Variants in ZNF350 observed in about 807,000 individuals in gnomAD.
ZNF350 encodes KRAB zinc finger protein ZFQR.
Under a neutral mutation model 13.1 loss-of-function variants are expected in ZNF350, and 5 were observed. The observed-to-expected ratio is 0.38, with a 90% CI of 0.20 to 0.80. The LOEUF is 0.80. Among genes scored for constraint, ZNF350 ranks in the 30% least tolerant of loss-of-function variants. The pLI, the probability that ZNF350 is intolerant of heterozygous loss-of-function variation, is 0.43. For missense variants in ZNF350, 534 were observed against 644.2 expected, an observed-to-expected ratio of 0.83 and a Z score of 1.85; for synonymous variants, 199 against 224.2, an observed-to-expected ratio of 0.89 and a Z score of 1.00.
At chr19:51,982,028 T>G (rs577894789) in intron 1 of ZNF350, 113 of 151,780 alleles carry the variant, frequency 7.4e-4, no homozygotes, top group African/African-American at 2.6e-3. Context: ...TGATAGGGGT[T>G]CCCCTGAAAA....
chr19:51,965,428 C>T lies in ZNF350; in HGVS notation c.1025G>A (p.Gly342Glu). The change falls in exon 5 of 5, where the codon GGA (glycine) becomes GAA (glutamate). Residue 342 changes from glycine to glutamate, a missense_variant. Physicochemically the swap from Gly to Glu is moderately conservative, Grantham distance 98. Coordinates refer to ENST00000243644, the MANE Select transcript of ZNF350 (RefSeq NM_021632.4). ...TTCACTGCACACAAAGGGCGTCTTTCCTGTGTGAAATCTCTGATGTGCTAT... is the reference window on the plus strand; with the variant it reads ...TTCACTGCACACAAAGGGCGTCTTTTCTGTGTGAAATCTCTGATGTGCTAT... ...CLIAHQRFHT[G>E]KTPFVCSECG... The T allele has an allele frequency of 2.5e-6, 4 of 1,613,930 alleles. No individual in the cohort carries two copies. Among genetic ancestry groups the T allele is most frequent in the Non-Finnish European group, 3.4e-6 (4 of 1,179,980 alleles).
intron 2 of ZNF350, among the ~76,000 whole-genome samples, chr19:51,970,506 T>C (rs187351423): frequency 4.6e-5 from 7 of 152,304 alleles, no homozygotes; most frequent in Non-Finnish European, 8.8e-5. Flanking sequence ...TTAAAAAATA[T>C]ATATTTTCAA....
At chr19:51,975,595 A>T (rs1429415225) in intron 1 of ZNF350, among the ~76,000 whole-genome samples, 2 of 152,188 alleles carry the variant, frequency 1.3e-5, no homozygotes, top group African/African-American at 4.8e-5. Flanking sequence ...TTAAAATAAA[A>T]TGTACTAAGA....
chr19:51,975,352 C>T (rs2085855365), intron 1 of ZNF350, among the ~76,000 whole-genome samples: 1 of 147,868 alleles, frequency 6.8e-6, no homozygotes, highest in Admixed American at 6.8e-5. Flanking sequence ...TTGCTTGAAT[C>T]CGGGAGATGG....
chr19:51,967,766 G>C (rs2085620458), intron 4 of ZNF350, among the ~76,000 whole-genome samples: 1 of 152,146 alleles, frequency 6.6e-6, no homozygotes, highest in African/African-American at 2.4e-5. Flanking sequence ...AAAGAAGAGA[G>C]CTCTTCAGGC....
At chr19:51,983,872 C>T (rs2086112342) in intron 1 of ZNF350, among the ~76,000 whole-genome samples, 1 of 152,228 alleles carries the variant, frequency 6.6e-6, no homozygotes, top group Non-Finnish European at 1.5e-5. Context: ...CTCTCTGTGT[C>T]TGATTTCTTT....
chr19:51,966,647 G>T (rs8113125), intron 4 of ZNF350, among the ~76,000 whole-genome samples: 45,966 of 144,130 alleles, frequency 0.32, 7,937 homozygotes, highest in South Asian at 0.53. Context: ...ATTTTTTGTT[G>T]TTTTTTTTTT....
chr19:51,983,131 G>A (rs2086087319), intron 1 of ZNF350, among the ~76,000 whole-genome samples: 1 of 152,230 alleles, frequency 6.6e-6, no homozygotes. Flanking sequence ...TTGGCTCAAG[G>A]TTTAATGGAT....
Position 51,965,867 on chromosome 19 carries a change from G to T in ZNF350, c.586C>A (p.His196Asn). 6.2e-7 allele frequency: 1 copy of T among 1,614,134 alleles called. No individual in the cohort carries two copies. The change falls in exon 5 of 5, where the codon CAT becomes AAT. Residue 196 changes from histidine (H) to asparagine (N), a missense_variant. By Grantham distance (68) the His-to-Asn change is moderately conservative (BLOSUM62 1). Transcript: ENST00000243644. ...TTCTCTAATTTTCGTGTTTTCTGAT[G>T]CTTGGGACTGATGAATTGGGACTTA... ...STKSQFISPK[H>N]QKTRKLEKHH...
chr19:51,985,787 A>C (rs2086147571), intron 1 of ZNF350, among the ~76,000 whole-genome samples: 1 of 152,118 alleles, frequency 6.6e-6, no homozygotes, highest in South Asian at 2.1e-4. Flanking sequence ...TGGGCGGATC[A>C]CCTGAGGTCA....
intron 4 of ZNF350, 43 bp from the exon 5 acceptor site, chr19:51,966,257 G>A: frequency 2.0e-6 from 3 of 1,501,452 alleles, no homozygotes; most frequent in Non-Finnish European, 2.7e-6. Context: ...TAGATTTGGG[G>A]TAAAAGTTTG....
At chr19:51,972,451 T>A (rs894362279) in intron 2 of ZNF350, among the ~76,000 whole-genome samples, 4 of 143,146 alleles carry the variant, frequency 2.8e-5, no homozygotes, top group Non-Finnish European at 6.1e-5. Flanking sequence ...TAACCCCCAA[T>A]GGTGACAAAT....
rs1419726544 is a variant in ZNF350 at position 51,979,981 on chromosome 19, C to T, written c.-171-5450G>A. 5.9e-5 allele frequency among the ~76,000 whole-genome samples: 9 copies of T among 152,316 alleles called. No individual in the cohort carries two copies. The South Asian group carries it at 6.2e-4, about 11-fold the overall frequency. ...TCAAGAAACTATATGGAAGGCAGCACTCCCATTTATGAATGGCAACATCTG... is the reference window on the plus strand; with the variant it reads ...TCAAGAAACTATATGGAAGGCAGCATTCCCATTTATGAATGGCAACATCTG... On this transcript the variant is annotated intron_variant, in intron 1 of 4. Transcript: ENST00000243644.
intron 4 of ZNF350, 70 bp from the exon 5 acceptor site, chr19:51,966,284 T>TG (rs2085567478): frequency 1.4e-6 from 2 of 1,465,712 alleles, no homozygotes; most frequent in African/African-American, 2.9e-5. Flanking sequence ...TTTTTTTGTT[T>TG]TTTTTGTTTT....
chr19:51,970,521 C>A (rs2085708935), intron 2 of ZNF350, among the ~76,000 whole-genome samples: 2 of 152,118 alleles, frequency 1.3e-5, no homozygotes, highest in South Asian at 4.1e-4. Flanking sequence ...TTTCAATCCT[C>A]AGTTGGTTGA....
In ZNF350 at chr19:51,965,571, T is replaced by A; in HGVS notation, c.882A>T (p.Glu294Asp). The A allele has an allele frequency of 6.2e-7, 1 of 1,614,224 alleles. No individual in the cohort carries two copies. The highest frequency in any genetic ancestry group is 8.5e-7 in the Non-Finnish European group (1 of 1,180,024). Reference sequence around the variant, plus strand: ...CTTTCTGGATGAAGCCTTTTCCACATTCACTGCATATATAGGGTTTCTCTC... The same window carrying A: ...CTTTCTGGATGAAGCCTTTTCCACAATCACTGCATATATAGGGTTTCTCTC... Reference protein sequence around the residue: ...HTGEKPYICSECGKGFIQKGN... With the variant: ...HTGEKPYICSDCGKGFIQKGN... Residue 294 changes from glutamate (E) to aspartate (D), a missense_variant, in exon 5 of 5, where the codon GAA becomes GAT. Glu to Asp is a conservative substitution (Grantham distance 45). Coordinates refer to ENST00000243644, the MANE Select transcript of ZNF350 (RefSeq NM_021632.4).
At chr19:51,983,641 A>G (rs1235592081) in intron 1 of ZNF350, among the ~76,000 whole-genome samples, 2 of 152,146 alleles carry the variant, frequency 1.3e-5, no homozygotes, top group Non-Finnish European at 2.9e-5. Flanking sequence ...AAGGCACAGG[A>G]CCTTTCCTTA....
At chr19:51,975,765 G>A (rs2085875829) in intron 1 of ZNF350, among the ~76,000 whole-genome samples, 1 of 152,198 alleles carries the variant, frequency 6.6e-6, no homozygotes, top group Non-Finnish European at 1.5e-5. Flanking sequence ...TTTTGAGATG[G>A]AGTCTCACTC....
rs758411027 is a variant in ZNF350 at position 51,969,068 on chromosome 19, C to T, written c.79G>A (p.Ala27Thr). The change falls in exon 3 of 5, where the codon GCT becomes ACT. Residue 27 changes from alanine (A) to threonine (T), a missense_variant. Physicochemically the swap from Ala to Thr is moderately conservative, Grantham distance 58 (BLOSUM62 0). Transcript: ENST00000243644. ...FTWEEWQLLGAAQKDLYRDVM... is the reference protein window; with the variant it reads ...FTWEEWQLLGTAQKDLYRDVM... ...TCCCGGTACAGGTCCTTCTGAGCAGCGCCCAGGAGTTGCCACTCCTCCCAA... is the reference window on the plus strand; with the variant it reads ...TCCCGGTACAGGTCCTTCTGAGCAGTGCCCAGGAGTTGCCACTCCTCCCAA... The T allele has an allele frequency of 5.7e-5, 92 of 1,613,940 alleles. No individual in the cohort carries two copies. The highest frequency in any genetic ancestry group is 1.2e-4 in the Admixed American group (7 of 60,008).
Sources: gnomAD v4.1 joint callset for allele counts (sites outside exome capture counted in the v4.1 genomes callset) on GRCh38, gnomAD v4.1.1 for gene constraint, MANE v1.5 for transcripts, NCBI Gene and HGNC (gene_info 2026-07-23, HGNC 2026-07-21) for gene names.